Variants in ACTN1 observed in about 807,000 individuals in gnomAD.
ACTN1 encodes actinin alpha 1, also known as alpha-actinin-1.
ACTN1 carries 30 observed loss-of-function variants against 119.6 expected under a neutral mutation model. The observed-to-expected ratio is 0.25, with a 90% CI of 0.19 to 0.34. The LOEUF is 0.34. Among genes scored for constraint, ACTN1 ranks in the 10% least tolerant of loss-of-function variants. ACTN1 has a pLI of 1.00. For synonymous variants in ACTN1, 429 were observed against 472.6 expected, an observed-to-expected ratio of 0.91 and a Z score of 1.20; for missense variants, 764 against 1,223.4, an observed-to-expected ratio of 0.62 and a Z score of 5.60.
intron 1 of ACTN1, among the ~76,000 whole-genome samples, chr14:68,931,628 G>A (rs1432516454): frequency 6.6e-6 from 1 of 152,140 alleles, no homozygotes; most frequent in Admixed American, 6.5e-5. Context: ...CATGTGACTT[G>A]ACTTCTCCAA....
In ACTN1 at chr14:68,874,955, G is replaced by T. The variant is rs1365405872; in HGVS notation, c.2649C>A (p.Ile883=). Residue 883 remains isoleucine (I), a synonymous_variant, in exon 22 of 22, where the codon ATC becomes ATA. Coordinates refer to ENST00000394419, the MANE Select transcript of ACTN1 (RefSeq NM_001130004.2). ...ELPPDQAEYC[I]ARMAPYTGPD... ...GGCCGGTGTAGGGGGCCATCCGCGC[G>T]ATGCAGTACTCAGCCTGGTCGGGTG... 1 of 1,613,710 alleles carries T rather than the reference G, an allele frequency of 6.2e-7. No homozygotes were observed. The highest frequency in any genetic ancestry group is 1.1e-5 in the South Asian group (1 of 91,076).
At chr14:68,953,633 C>T (rs2036243953) in intron 1 of ACTN1, among the ~76,000 whole-genome samples, 1 of 151,556 alleles carries the variant, frequency 6.6e-6, no homozygotes, top group South Asian at 2.1e-4. Flanking sequence ...AATCCCAGCA[C>T]TTTGGGAGGC....
intron 3 of ACTN1, among the ~76,000 whole-genome samples, chr14:68,917,386 T>G (rs1437052006): frequency 1.3e-5 from 2 of 152,194 alleles, no homozygotes; most frequent in Non-Finnish European, 2.9e-5. Context: ...GAGGTCTTAG[T>G]CCTTGCACTG....
intron 3 of ACTN1, among the ~76,000 whole-genome samples, chr14:68,919,653 T>A (rs1041031083): frequency 8.5e-5 from 13 of 152,226 alleles, no homozygotes; most frequent in Non-Finnish European, 1.5e-4. Context: ...GGGGAGATGC[T>A]GGAATCCATA....
Position 68,979,194 on chromosome 14 carries a change from T to C in ACTN1, c.-138A>G. The stretch of plus-strand genomic sequence containing the variant: ...CCGGGCTCGCTCCCCTGCGCCCGGT[T>C]CCGCCGCGGCGCTGCTGGCGAAGGC... On this transcript the variant is annotated 5_prime_UTR_variant, in exon 1 of 22. Coordinates refer to ENST00000394419, the MANE Select transcript of ACTN1 (RefSeq NM_001130004.2). 1.1e-5 allele frequency: 5 copies of C among 468,638 alleles called. No homozygotes were observed. Among genetic ancestry groups the C allele is most frequent in the East Asian group, 9.0e-5 (2 of 22,184 alleles). 29.0% of individuals were successfully genotyped at this position (468,638 alleles called of 1,614,324 possible).
intron 11 of ACTN1, among the ~76,000 whole-genome samples, chr14:68,888,829 T>C (rs2032241267): frequency 6.6e-6 from 1 of 152,132 alleles, no homozygotes; most frequent in African/African-American, 2.4e-5. Context: ...TGATCTGAAG[T>C]AGAACAGTCA....
intron 1 of ACTN1, among the ~76,000 whole-genome samples, chr14:68,957,632 G>A (rs1288709992): frequency 1.3e-5 from 2 of 152,216 alleles, no homozygotes; most frequent in African/African-American, 4.8e-5. Context: ...AGTCTGACAT[G>A]TAACTGCTTA....
intron 1 of ACTN1, among the ~76,000 whole-genome samples, chr14:68,929,475 A>G (rs543458873): frequency 4.6e-5 from 7 of 152,138 alleles, no homozygotes; most frequent in African/African-American, 1.7e-4. Context: ...CAGCCCGATG[A>G]AGCCCTGCCC....
intron 1 of ACTN1, among the ~76,000 whole-genome samples, chr14:68,936,264 G>C (rs2035503749): frequency 6.6e-6 from 1 of 152,092 alleles, no homozygotes; most frequent in African/African-American, 2.4e-5. Flanking sequence ...AACATACTCA[G>C]TGTTTCTGTC....
At chr14:68,929,131 C>A (rs1447277932) in intron 1 of ACTN1, among the ~76,000 whole-genome samples, 1 of 148,092 alleles carries the variant, frequency 6.8e-6, no homozygotes, top group African/African-American at 2.5e-5. Context: ...GGCGTGGGTG[C>A]AGAAAACCAG....
chr14:68,908,130 C>G (rs994941480), intron 6 of ACTN1, among the ~76,000 whole-genome samples: 5 of 136,098 alleles, frequency 3.7e-5, no homozygotes, highest in Non-Finnish European at 7.6e-5. Context: ...CAGATGGGCC[C>G]TTCCAGTGGG....
In ACTN1 at chr14:68,879,014, C is replaced by T; in HGVS notation, c.2336G>A (p.Gly779Asp). 1 of 1,613,300 alleles carries T rather than the reference C, an allele frequency of 6.2e-7. No homozygotes were observed. The highest frequency in any genetic ancestry group is 1.1e-5 in the South Asian group (1 of 91,046). The change falls in exon 19 of 22, where the codon GGT becomes GAT. Residue 779 changes from glycine to aspartate, a missense_variant. Transcript: ENST00000394419. The surrounding 1 kb of genome is among the most constrained non-coding windows in gnomAD (Gnocchi z 4.9). ...CTGGGGGTCGTTGCCAATATCATAA[C>T]CCAAGCTGATGAGGCAGGCTTTGAA... Reference protein sequence around the residue: ...EEFKACLISLGYDIGNDPQKK... With the variant: ...EEFKACLISLDYDIGNDPQKK...
chr14:68,887,710 T>C (rs1594763901), intron 11 of ACTN1: 21 of 1,388,818 alleles, frequency 1.5e-5, no homozygotes, highest in Non-Finnish European at 2.1e-5. Context: ...ATTTACAAAA[T>C]AGTTGATAAA....
At position 68,882,772 on chromosome 14, in the gene ACTN1, T is replaced by C; in HGVS notation, c.1818+101A>G. ...TTGGACAAACAATGAGTGTTTACTA[T>C]ATGACAATTTTAAATGAAATTGACA... is the stretch of plus-strand genomic sequence containing the variant. On this transcript the variant is annotated intron_variant, in intron 15 of 21. Transcript: ENST00000394419. This position sits in a 1 kb window ranked among gnomAD's most constrained non-coding sequence, Gnocchi z 4.5. 1.3e-6 allele frequency: 2 copies of C among 1,533,018 alleles called. No homozygotes were observed. Among genetic ancestry groups the C allele is most frequent in the Non-Finnish European group, 1.8e-6 (2 of 1,125,124 alleles). 95.0% of individuals were successfully genotyped at this position (1,533,018 alleles called of 1,614,324 possible).
chr14:68,878,995 G>A lies in ACTN1; in HGVS notation c.2355C>T (p.Asp785=), dbSNP rs373261210. 1.9e-6 allele frequency: 3 copies of A among 1,613,218 alleles called. No individual in the cohort carries two copies. The highest frequency in any genetic ancestry group is 2.2e-5 in the East Asian group (1 of 44,784). ...CCATGCAGGAGGCGAGTACCTGGGG[G>A]TCGTTGCCAATATCATAACCCAAGC... ...LISLGYDIGN[D]PQKKTGMMDT... The change falls in exon 19 of 22, where the codon GAC becomes GAT. Residue 785 remains aspartate, a synonymous_variant. Coordinates refer to ENST00000394419, the MANE Select transcript of ACTN1 (RefSeq NM_001130004.2). The surrounding 1 kb of genome is among the most constrained non-coding windows in gnomAD (Gnocchi z 4.4).
Position 68,892,767 on chromosome 14 carries a change from T to TGGCCTGGAGCACAAGCAGGCAC in ACTN1, c.856-506_856-485dup, listed in dbSNP as rs528203286. Among the ~76,000 whole-genome samples, 8 of 152,288 alleles carry TGGCCTGGAGCACAAGCAGGCAC rather than the reference T, an allele frequency of 5.3e-5. No homozygotes were observed. In the South Asian group the frequency reaches 1.7e-3, roughly 32 times the overall value. ...AGAGGCTGGCTTCTGGGCAGAGAGCTGGCCTGGAGCACAAGCAGGCACGGC... is the reference window on the plus strand; with the variant it reads ...AGAGGCTGGCTTCTGGGCAGAGAGCTGGCCTGGAGCACAAGCAGGCACGGCCTGGAGCACAAGCAGGCACGGC... On this transcript the variant is annotated intron_variant, in intron 9 of 21. Transcript: ENST00000394419.
intron 1 of ACTN1, among the ~76,000 whole-genome samples, chr14:68,964,070 C>T (rs1275248037): frequency 2.0e-5 from 3 of 152,128 alleles, no homozygotes; most frequent in Non-Finnish European, 4.4e-5. Flanking sequence ...TATCTATTGG[C>T]ATTTGTAACA....
At chr14:68,906,425 CA>C (rs1428091872) in intron 6 of ACTN1, among the ~76,000 whole-genome samples, 1 of 152,090 alleles carries the variant, frequency 6.6e-6, no homozygotes, top group Non-Finnish European at 1.5e-5. Context: ...TAGGGTAACA[CA>C]AAGATAAATA....
chr14:68,893,579 G>T, intron 9 of ACTN1, 76 bp downstream of exon 9: 1 of 1,386,610 alleles, frequency 7.2e-7, no homozygotes, highest in Non-Finnish European at 1.0e-6. Context: ...TATGCTCCAA[G>T]GAAAGACTTG....
Sources: allele counts gnomAD v4.1 joint callset (sites outside exome capture counted in the v4.1 genomes callset), GRCh38; gene constraint gnomAD v4.1.1; non-coding constraint Gnocchi (gnomAD v3.1); transcripts MANE v1.5; gene names NCBI Gene and HGNC (gene_info 2026-07-23, HGNC 2026-07-21).